MINDY4B: variants seen among roughly 807,000 people sequenced by gnomAD.
The protein encoded by MINDY4B is MINDY family member 4B, also known as inactive ubiquitin carboxyl-terminal hydrolase MINDY-4B.
A neutral mutation model predicts 16.7 loss-of-function variants in MINDY4B; 25 were observed. The ratio of observed to expected loss-of-function variants is 1.49; its 90% CI spans 1.09 to 2.09. The LOEUF is 2.09. Among genes scored for constraint, MINDY4B ranks in the 30% most tolerant of loss-of-function variants. The probability of loss-of-function intolerance (pLI) is 0.00; values close to 1 mark genes in which losing one functional copy is unlikely to be tolerated. For synonymous variants in MINDY4B, 132 were observed against 61.9 expected (o/e 2.13, Z -5.32); for missense variants, 327 against 168.4 (o/e 1.94, Z -5.21).
At chr3:150,898,687 G>A (rs1490570136) in intron 3 of MINDY4B, among the ~76,000 whole-genome samples, 1 of 152,116 alleles carries the variant, frequency 6.6e-6, no homozygotes, top group Non-Finnish European at 1.5e-5. Context: ...TTTTCTCTTT[G>A]TGCTTTGCTA....
chr3:150,900,451 A>T (rs1337662965), intron 3 of MINDY4B, among the ~76,000 whole-genome samples: 3 of 152,230 alleles, frequency 2.0e-5, no homozygotes, highest in Non-Finnish European at 2.9e-5. Flanking sequence ...ACAATTTGCC[A>T]GGTGGCTGCA....
chr3:150,881,910 T>G (rs1711526980), intron 10 of MINDY4B, among the ~76,000 whole-genome samples: 1 of 152,132 alleles, frequency 6.6e-6, no homozygotes. Context: ...CATGATAACA[T>G]AGTAGCTGGA....
At chr3:150,874,057 C>T (rs577302553) in intron 10 of MINDY4B, among the ~76,000 whole-genome samples, 14 of 130,416 alleles carry the variant, frequency 1.1e-4, no homozygotes, top group African/African-American at 3.5e-4. Context: ...GCTCTGTCAT[C>T]CAGGCTATAA....
At chr3:150,872,622 CTG>C (rs1481350055) in intron 11 of MINDY4B, among the ~76,000 whole-genome samples, 9 of 152,342 alleles carry the variant, frequency 5.9e-5, no homozygotes, top group African/African-American at 1.9e-4. Flanking sequence ...AGAAACCAGT[CTG>C]TGTGACTACA....
chr3:150,888,790 G>T (rs1454951333), intron 7 of MINDY4B, among the ~76,000 whole-genome samples: 1 of 152,118 alleles, frequency 6.6e-6, no homozygotes, highest in Non-Finnish European at 1.5e-5. Flanking sequence ...TTTGACTGGG[G>T]AAGCCTGTGT....
chr3:150,876,374 T>C (rs1045745730), intron 10 of MINDY4B, among the ~76,000 whole-genome samples: 4 of 152,174 alleles, frequency 2.6e-5, no homozygotes, highest in African/African-American at 9.7e-5. Flanking sequence ...AAGCATGATA[T>C]TGCAAGTCCC....
At chr3:150,880,331 G>A (rs1423948265) in intron 10 of MINDY4B, among the ~76,000 whole-genome samples, 1 of 152,206 alleles carries the variant, frequency 6.6e-6, no homozygotes, top group Non-Finnish European at 1.5e-5. Flanking sequence ...GTGTGTGTGT[G>A]TGTGTGTGTG....
At chr3:150,884,503 A>T (rs1711576028) in intron 8 of MINDY4B, among the ~76,000 whole-genome samples, 1 of 152,220 alleles carries the variant, frequency 6.6e-6, no homozygotes, top group Non-Finnish European at 1.5e-5. Context: ...TAGAATTTTA[A>T]TAATGTTGTA....
rs1044161320 is a variant in MINDY4B at position 150,871,055 on chromosome 3, G to A, written c.1373C>T (p.Pro458Leu). Residue 458 changes from proline (P) to leucine (L), a missense_variant, in exon 12 of 12, where the codon CCC becomes CTC. Physicochemically the swap from Pro to Leu is moderately conservative, Grantham distance 98. Coordinates refer to ENST00000465419, the MANE Select transcript of MINDY4B (RefSeq NM_001351281.2). ...CAGCCTAGTTTCCCTTTAGAAGAAG[G>A]GAACGGTCCCATTCCAGTTGATGGT... ...EATINWNGTVPFF is the reference protein window; with the variant it reads ...EATINWNGTVLFF 2 of 702,700 alleles carry A rather than the reference G, an allele frequency of 2.8e-6. No homozygotes were observed. Among genetic ancestry groups the A allele is most frequent in the African/African-American group, 3.5e-5 (2 of 57,212 alleles). The allele number at this position is 702,700 out of a possible 1,614,324, so 43.5% of individuals were successfully genotyped here. A position where few individuals can be genotyped will look rare whatever the true frequency, so the allele number is the denominator to read the frequency against.
At chr3:150,885,073 A>T (rs1459097998) in intron 8 of MINDY4B, among the ~76,000 whole-genome samples, 2 of 152,238 alleles carry the variant, frequency 1.3e-5, no homozygotes, top group African/African-American at 4.8e-5. Flanking sequence ...AAATGTATTT[A>T]TTTATGAAAC....
At chr3:150,895,950 A>G (rs952694745) in intron 3 of MINDY4B, among the ~76,000 whole-genome samples, 6 of 152,010 alleles carry the variant, frequency 3.9e-5, no homozygotes, top group African/African-American at 1.4e-4. Flanking sequence ...ATGTTTTCCA[A>G]ACTTTTAGAT....
At chr3:150,883,852 A>C (rs1195321308) in intron 8 of MINDY4B, 80 bp from the exon 9 acceptor site, 7 of 688,988 alleles carry the variant, frequency 1.0e-5, no homozygotes, top group Admixed American at 8.3e-5. Context: ...CCCAAAACAC[A>C]AAGCAGCAGT....
At chr3:150,890,612 T>G in intron 6 of MINDY4B, 1 of 497,138 alleles carries the variant, frequency 2.0e-6, no homozygotes, top group Non-Finnish European at 3.6e-6. Flanking sequence ...ATGTAATATC[T>G]TGAGCAGTAA....
intron 10 of MINDY4B, among the ~76,000 whole-genome samples, chr3:150,874,040 G>A (rs1180745728): frequency 8.3e-6 from 1 of 121,092 alleles, no homozygotes; most frequent in Non-Finnish European, 1.6e-5. Flanking sequence ...TTTAAAGACA[G>A]GATCTTGCTC....
chr3:150,894,208 G>A lies in MINDY4B; in HGVS notation c.407C>T (p.Ala136Val), dbSNP rs918223729. Residue 136 changes from alanine (A) to valine (V), a missense_variant, in exon 4 of 12, where the codon GCT becomes GTT. Coordinates refer to ENST00000465419, the MANE Select transcript of MINDY4B (RefSeq NM_001351281.2). ...FRFHDPSSELAFTLEVGKGGA... is the reference protein window; with the variant it reads ...FRFHDPSSELVFTLEVGKGGA... ...TACCTTTCCCACTTCCAGAGTGAAA[G>A]CTAGTTCAGAAGAAGGATCATGGAA... 4.3e-6 allele frequency: 3 copies of A among 699,476 alleles called. No homozygotes were observed. The African/African-American group carries it at 5.3e-5, about 12-fold the overall frequency. The allele number at this position is 699,476 out of a possible 1,614,324, so 43.3% of individuals were successfully genotyped here. A position where few individuals can be genotyped will look rare whatever the true frequency, so the allele number is the denominator to read the frequency against.
chr3:150,893,193 A>G (rs1278356106), intron 5 of MINDY4B, 131 bp downstream of exon 5: 1 of 643,966 alleles, frequency 1.6e-6, no homozygotes, highest in Non-Finnish European at 2.8e-6. Context: ...TCTCTGGGAC[A>G]GACAGGGCCA....
chr3:150,898,143 C>T (rs1712024897), intron 3 of MINDY4B, among the ~76,000 whole-genome samples: 1 of 152,166 alleles, frequency 6.6e-6, no homozygotes, highest in Non-Finnish European at 1.5e-5. Context: ...ACCATAAGTG[C>T]TAAGTAAATG....
intron 6 of MINDY4B, 27 bp downstream of exon 6, chr3:150,890,911 T>C: frequency 1.4e-6 from 1 of 698,586 alleles, no homozygotes; most frequent in Non-Finnish European, 2.6e-6. Flanking sequence ...GCCTTTCATC[T>C]GCCAGGACAG....
chr3:150,881,614 TAAAA>T (rs34567737), intron 10 of MINDY4B, among the ~76,000 whole-genome samples: 4 of 121,430 alleles, frequency 3.3e-5, no homozygotes, highest in Admixed American at 8.8e-5. Flanking sequence ...TGTCTCTGTT[TAAAA>T]AAAAAAAAAA....
Sources: gnomAD v4.1 joint callset for allele counts (sites outside exome capture counted in the v4.1 genomes callset) on GRCh38, gnomAD v4.1.1 for gene constraint, MANE v1.5 for transcripts, NCBI Gene and HGNC (gene_info 2026-07-23, HGNC 2026-07-21) for gene names.